Variants in CNTRL observed in about 807,000 individuals in gnomAD.
CNTRL encodes centriolin.
CNTRL carries 233 observed loss-of-function variants against 303.7 expected under a neutral mutation model. That is an observed-to-expected ratio of 0.77 (90% CI 0.69 to 0.86). The LOEUF (loss-of-function observed/expected upper bound fraction) is 0.86. CNTRL is among the 40% of genes least tolerant of loss of function. The pLI is 0.00. For synonymous variants in CNTRL, 900 were observed against 922.2 expected (o/e 0.98, Z 0.44); for missense variants, 2,524 against 2,650.6 (o/e 0.95, Z 1.05).
At chr9:121,086,665 G>C in intron 2 of CNTRL, among the ~76,000 whole-genome samples, 1 of 144,146 alleles carries the variant, frequency 6.9e-6, no homozygotes, top group Non-Finnish European at 1.5e-5. Flanking sequence ...TCCTGAGATG[G>C]AGTCTCGCTC....
chr9:121,099,299 T>G, intron 7 of CNTRL, among the ~76,000 whole-genome samples: 1 of 151,982 alleles, frequency 6.6e-6, no homozygotes, highest in Non-Finnish European at 1.5e-5. Flanking sequence ...GGGTCTGGAG[T>G]GGACCTCCAG....
intron 35 of CNTRL, among the ~76,000 whole-genome samples, chr9:121,165,840 GT>G: frequency 6.6e-6 from 1 of 152,116 alleles, no homozygotes; most frequent in East Asian, 1.9e-4. Context: ...GAAGGTAGCT[GT>G]TTTTAAACAC....
intron 7 of CNTRL, among the ~76,000 whole-genome samples, chr9:121,104,430 CG>C (rs1178799257): frequency 2.6e-5 from 4 of 151,896 alleles, no homozygotes; most frequent in African/African-American, 9.7e-5. Context: ...ATGTAAATGA[CG>C]AGTTAATGGG....
In CNTRL at chr9:121,125,892, G is replaced by A. The variant is rs764077565; in HGVS notation, c.1981G>A (p.Asp661Asn). The A allele has an allele frequency of 3.1e-6, 5 of 1,614,184 alleles. No homozygotes were observed. Among genetic ancestry groups the A allele is most frequent in the Non-Finnish European group, 4.2e-6 (5 of 1,180,032 alleles). ...ATTGACAGAAGTCGAGCAGGAGAGA[G>A]ACCAGCTGGAAATAGTTGCCATGGA... ...QRLTEVEQER[D>N]QLEIVAMDAE... is the part of the protein sequence containing the mutation. The change falls in exon 14 of 44, where the codon GAC becomes AAC. Residue 661 changes from aspartate (D) to asparagine (N), a missense_variant. Coordinates refer to ENST00000373855, the MANE Select transcript of CNTRL (RefSeq NM_007018.6).
rs141957736 is a variant in CNTRL at position 121,107,946 on chromosome 9, A to C, written c.953A>C (p.Lys318Thr). ...TTAAAAGAGGAGGCCATGTTACAGAAACAGAGCTGTGAGGAACTCAAGAGT... is the reference window on the plus strand; with the variant it reads ...TTAAAAGAGGAGGCCATGTTACAGACACAGAGCTGTGAGGAACTCAAGAGT... The part of the protein sequence containing the change: ...KSLKEEAMLQ[K>T]QSCEELKSDL... Residue 318 changes from lysine (K) to threonine (T), a missense_variant, in exon 8 of 44, where the codon AAA (lysine) becomes ACA (threonine). Physicochemically the swap from Lys to Thr is moderately conservative, Grantham distance 78. Transcript: ENST00000373855. The C allele has an allele frequency of 3.4e-5, 55 of 1,601,988 alleles. 1 individual carries two copies. The African/African-American group carries it at 5.8e-4, about 17-fold the overall frequency.
At chr9:121,154,111 T>G (rs1352687672) in intron 26 of CNTRL, among the ~76,000 whole-genome samples, 8 of 152,256 alleles carry the variant, frequency 5.3e-5, no homozygotes, top group African/African-American at 1.2e-4. Flanking sequence ...AAAAATCATA[T>G]GTATGCCTTC....
intron 16 of CNTRL, 24 bp from the exon 17 acceptor site, chr9:121,140,617 T>A (rs1432050317): frequency 6.3e-7 from 1 of 1,592,616 alleles, no homozygotes; most frequent in Non-Finnish European, 8.6e-7. Context: ...TAATAGATAA[T>A]CCCTATTTCA....
rs201649861 is a variant in CNTRL at position 121,095,002 on chromosome 9, T to C, written c.463T>C (p.Ser155Pro). 5.6e-6 allele frequency: 9 copies of C among 1,603,676 alleles called. No individual in the cohort carries two copies. The African/African-American group carries it at 9.4e-5, about 17-fold the overall frequency. Residue 155 changes from serine (S) to proline (P), a missense_variant, in exon 5 of 44, where the codon TCA becomes CCA. Coordinates refer to ENST00000373855, the MANE Select transcript of CNTRL (RefSeq NM_007018.6). Reference sequence around the variant, plus strand: ...GTTAAAATTACGTGAACTCAACTTATCATATAACAAAATCAGGTGAGTTAT... The same window carrying C: ...GTTAAAATTACGTGAACTCAACTTACCATATAACAAAATCAGGTGAGTTAT... The part of the protein sequence containing the change: ...KLLKLRELNL[S>P]YNKISKIEGI...
rs200247383 is a variant in CNTRL, at chr9:121,151,384, C to CTTTTTTTTTTTTTTTTTTTTT, written c.3963+903_3963+904insTTTTTTTTTTTTTTTTTTTTT. ...GATTACTTCCTTTTTCTTTTTTCTT[C>CTTTTTTTTTTTTTTTTTTTTT]TTCTTTTTTTTTTTTTTTTTTTTTG... On this transcript the variant is annotated intron_variant, in intron 25 of 43. Coordinates refer to ENST00000373855, the MANE Select transcript of CNTRL (RefSeq NM_007018.6). Among the ~76,000 whole-genome samples, 188 of 91,430 alleles carry CTTTTTTTTTTTTTTTTTTTTT rather than the reference C, an allele frequency of 2.1e-3. 14 individuals carry two copies. Among genetic ancestry groups the CTTTTTTTTTTTTTTTTTTTTT allele is most frequent in the South Asian group, 3.4e-3 (5 of 1,480 alleles). 60.0% of individuals were successfully genotyped at this position (91,430 alleles called of 152,430 possible).
chr9:121,145,987 G>C (rs2051827870), intron 22 of CNTRL, 121 bp from the exon 23 acceptor site: 1 of 838,376 alleles, frequency 1.2e-6, no homozygotes, highest in African/African-American at 1.7e-5. Flanking sequence ...CCAAAGGGCA[G>C]ACTGAAAGTC....
At chr9:121,118,297 C>T in intron 11 of CNTRL, 49 bp from the exon 12 acceptor site, 3 of 1,296,734 alleles carry the variant, frequency 2.3e-6, no homozygotes, top group Non-Finnish European at 3.1e-6. Flanking sequence ...CTTAATAAAT[C>T]AGTGTTGTTC....
intron 16 of CNTRL, among the ~76,000 whole-genome samples, chr9:121,140,098 A>G (rs2051416149): frequency 6.6e-6 from 1 of 152,250 alleles, no homozygotes; most frequent in South Asian, 2.1e-4. Context: ...GCTAGGAACC[A>G]GAGCTGCTCT....
At chr9:121,116,901 G>A (rs1208348211) in intron 11 of CNTRL, among the ~76,000 whole-genome samples, 1 of 152,172 alleles carries the variant, frequency 6.6e-6, no homozygotes, top group African/African-American at 2.4e-5. Context: ...AGTAGGAGAT[G>A]AGGTAGAGGG....
chr9:121,171,354 A>C (rs778543635), intron 39 of CNTRL, 54 bp from the exon 40 acceptor site: 1 of 1,606,684 alleles, frequency 6.2e-7, no homozygotes, highest in Non-Finnish European at 8.5e-7. Context: ...GTAAGCCAGC[A>C]AACCACACCT....
chr9:121,123,332 C>A (rs1033059998), intron 12 of CNTRL, among the ~76,000 whole-genome samples: 3 of 152,120 alleles, frequency 2.0e-5, no homozygotes, highest in Non-Finnish European at 4.4e-5. Flanking sequence ...GTAATCCCAG[C>A]GATTTGGGAG....
intron 26 of CNTRL, among the ~76,000 whole-genome samples, 162 bp from the exon 27 acceptor site, chr9:121,154,559 A>G (rs1273640386): frequency 6.6e-6 from 1 of 152,262 alleles, no homozygotes; most frequent in East Asian, 1.9e-4. Context: ...GTTTAATAAG[A>G]TGGTAAACCT....
At chr9:121,120,248 A>G (rs530520602) in intron 12 of CNTRL, among the ~76,000 whole-genome samples, 3 of 152,282 alleles carry the variant, frequency 2.0e-5, no homozygotes, top group Admixed American at 6.5e-5. Flanking sequence ...ATTTTAGTAC[A>G]TATCATATAT....
chr9:121,146,156 G>A lies in CNTRL; in HGVS notation c.3359G>A (p.Arg1120Gln), dbSNP rs767269657. The A allele has an allele frequency of 3.7e-6, 6 of 1,613,014 alleles. No homozygotes were observed. Among genetic ancestry groups the A allele is most frequent in the East Asian group, 4.5e-5 (2 of 44,848 alleles). The change falls in exon 23 of 44, where the codon CGA becomes CAA. Residue 1120 changes from arginine (R) to glutamine (Q), a missense_variant. Arg to Gln is a conservative substitution (Grantham distance 43). Coordinates refer to ENST00000373855, the MANE Select transcript of CNTRL (RefSeq NM_007018.6). The stretch of plus-strand genomic sequence containing the variant: ...GTTTTAGAAGAAATTGCTGAACTTC[G>A]ACGTGAAGTTTCTTATCAGAATGAT... ...ENVLEEIAEL[R>Q]REVSYQNDYI...
chr9:121,168,723 C>T (rs1453270300), intron 38 of CNTRL, among the ~76,000 whole-genome samples: 3 of 152,156 alleles, frequency 2.0e-5, no homozygotes, highest in Non-Finnish European at 4.4e-5. Flanking sequence ...TACCAGAATA[C>T]AGGTGTTTGC....
Sources: allele counts gnomAD v4.1 joint callset (sites outside exome capture counted in the v4.1 genomes callset), GRCh38; gene constraint gnomAD v4.1.1; transcripts MANE v1.5; gene names NCBI Gene and HGNC (gene_info 2026-07-23, HGNC 2026-07-21).